Variants in LMO7 observed in about 807,000 individuals in gnomAD.
LMO7 encodes LIM domain only protein 7.
Under a neutral mutation model 206.5 loss-of-function variants are expected in LMO7, and 120 were observed. That is an observed-to-expected ratio of 0.58 (90% CI 0.50 to 0.68). The LOEUF (loss-of-function observed/expected upper bound fraction) is 0.68. Among genes scored for constraint, LMO7 ranks in the 30% least tolerant of loss-of-function variants. The pLI, the probability that LMO7 is intolerant of heterozygous loss-of-function variation, is 0.00. For synonymous variants in LMO7, 706 were observed against 681.5 expected, an observed-to-expected ratio of 1.04 and a Z score of -0.56; for missense variants, 1,959 against 1,957.9, an observed-to-expected ratio of 1.00 and a Z score of -0.01.
In LMO7 at chr13:75,849,240, C is replaced by T. The variant is rs1372124855; in HGVS notation, c.4312C>T (p.Arg1438Cys). Residue 1438 changes from arginine to cysteine, a missense_variant, in exon 27 of 31, where the codon CGC (arginine) becomes TGC (cysteine). By Grantham distance (180) the Arg-to-Cys change is radical. Coordinates refer to ENST00000377534, the MANE Select transcript of LMO7 (RefSeq NM_001306080.2). ...CAATGACAACAGCTGGATCCGACAG[C>T]GCAGTGCCAGTGTCAACAAAGAGCC... ...LHNDNSWIRQRSASVNKEPVS... is the reference protein window; with the variant it reads ...LHNDNSWIRQCSASVNKEPVS... 7 of 1,614,090 alleles carry T rather than the reference C, an allele frequency of 4.3e-6. No individual in the cohort carries two copies. Among genetic ancestry groups the T allele is most frequent in the East Asian group, 2.2e-5 (1 of 44,856 alleles).
At chr13:75,697,457 A>G (rs2041985308) in intron 1 of LMO7, among the ~76,000 whole-genome samples, 1 of 152,154 alleles carries the variant, frequency 6.6e-6, no homozygotes, top group African/African-American at 2.4e-5. Context: ...CCCTTATAAA[A>G]CCATCAGATC....
intron 12 of LMO7, 162 bp from the exon 13 acceptor site, chr13:75,819,231 G>T: frequency 3.1e-6 from 2 of 639,474 alleles, no homozygotes; most frequent in Non-Finnish European, 5.0e-6. Context: ...ATAAAGGCTT[G>T]GTACAGAAAC....
In LMO7 at chr13:75,788,480, G is replaced by A. The variant is rs1357198073; in HGVS notation, c.318-6921G>A. 2.1e-5 allele frequency among the ~76,000 whole-genome samples: 3 copies of A among 144,208 alleles called. No individual in the cohort carries two copies. The East Asian group carries it at 6.1e-4, about 29-fold the overall frequency. 94.6% of individuals were successfully genotyped at this position (144,208 alleles called of 152,430 possible). A position where few individuals can be genotyped will look rare whatever the true frequency, so the allele number is the denominator to read the frequency against. ...AAAAAAAAAAAAAAAAAAAGCCACT[G>A]CTCTGTCCTCAGAAGAACTTCTGCT... On this transcript the variant is annotated intron_variant, in intron 4 of 30. Transcript: ENST00000377534.
intron 1 of LMO7, among the ~76,000 whole-genome samples, chr13:75,697,470 A>T (rs1337332157): frequency 6.6e-6 from 1 of 152,194 alleles, no homozygotes; most frequent in East Asian, 1.9e-4. Context: ...ATCAGATCTC[A>T]TGAGACTTAT....
intron 2 of LMO7, among the ~76,000 whole-genome samples, chr13:75,719,221 C>A (rs1271251314): frequency 6.6e-6 from 1 of 150,876 alleles, no homozygotes; most frequent in African/African-American, 2.5e-5. Flanking sequence ...CTCAAGTGAT[C>A]TGTCCGCCTT....
chr13:75,843,017 C>A, intron 25 of LMO7, 101 bp downstream of exon 25: 1 of 774,094 alleles, frequency 1.3e-6, no homozygotes, highest in Non-Finnish European at 2.2e-6. Context: ...AGCCCTTTGT[C>A]ATTTGTGGGG....
intron 4 of LMO7, among the ~76,000 whole-genome samples, chr13:75,773,216 A>G (rs1248253634): frequency 6.6e-6 from 1 of 152,266 alleles, no homozygotes; most frequent in Admixed American, 6.5e-5. Context: ...TCGGGCCTAC[A>G]TTCTGATGGG....
intron 16 of LMO7, 82 bp from the exon 17 acceptor site, chr13:75,834,144 A>AAT: frequency 9.7e-7 from 1 of 1,035,804 alleles, no homozygotes; most frequent in Non-Finnish European, 1.4e-6. Context: ...ATTCAGAGTC[A>AAT]TTTTTCTTAA....
intron 3 of LMO7, among the ~76,000 whole-genome samples, chr13:75,741,636 G>T (rs1594680236): frequency 6.6e-6 from 1 of 152,296 alleles, no homozygotes; most frequent in African/African-American, 2.4e-5. Flanking sequence ...GAAACCACAT[G>T]ATTATCTCAA....
chr13:75,813,553 A>T (rs2056663982), intron 11 of LMO7, among the ~76,000 whole-genome samples: 1 of 152,076 alleles, frequency 6.6e-6, no homozygotes, highest in African/African-American at 2.4e-5. Flanking sequence ...TGCAGGCTTG[A>T]TGTGGGTAAC....
intron 15 of LMO7, among the ~76,000 whole-genome samples, chr13:75,829,703 T>C (rs2058471698): frequency 4.0e-5 from 6 of 151,426 alleles, no homozygotes; most frequent in Admixed American, 4.0e-4. Context: ...TGGCCCTGTT[T>C]TTTTTTTTAA....
intron 1 of LMO7, among the ~76,000 whole-genome samples, chr13:75,680,399 T>G (rs1244504119): frequency 6.6e-6 from 1 of 152,242 alleles, no homozygotes; most frequent in Non-Finnish European, 1.5e-5. Flanking sequence ...TTTATCCTCC[T>G]TAGGCTGTAG....
upstream of LMO7, chr13:75,636,018 A>G: frequency 6.5e-6 from 1 of 153,736 alleles, no homozygotes; most frequent in East Asian, 1.9e-4. Flanking sequence ...CGCCGCTCTC[A>G]GGGGCCCGGG....
At chr13:75,794,656 G>A (rs1010708569) in intron 4 of LMO7, among the ~76,000 whole-genome samples, 1 of 152,152 alleles carries the variant, frequency 6.6e-6, no homozygotes, top group African/African-American at 2.4e-5. Context: ...TGTCTCTAAT[G>A]AGGGGAAGTG....
At chr13:75,805,805 A>G in intron 9 of LMO7, 45 bp downstream of exon 9, 1 of 1,582,324 alleles carries the variant, frequency 6.3e-7, no homozygotes. Context: ...TTCATTCAGT[A>G]CCCCAGCTGG....
chr13:75,807,860 A>G lies in LMO7; in HGVS notation c.1577A>G (p.Lys526Arg), dbSNP rs1476261503. The G allele has an allele frequency of 6.1e-5, 99 of 1,613,894 alleles. No individual in the cohort carries two copies. The highest frequency in any genetic ancestry group is 8.1e-5 in the Non-Finnish European group (96 of 1,179,898). The stretch of plus-strand genomic sequence containing the variant: ...ATTGTTCGCCGAATTCCAGCACAGA[A>G]GAAAGAAGTGCCGCTGTCTGGGGCC... ...DMIVRRIPAQKKEVPLSGAPD... is the reference protein window; with the variant it reads ...DMIVRRIPAQRKEVPLSGAPD... Residue 526 changes from lysine (K) to arginine (R), a missense_variant, in exon 10 of 31, where the codon AAG becomes AGG. Coordinates refer to ENST00000377534, the MANE Select transcript of LMO7 (RefSeq NM_001306080.2).
intron 2 of LMO7, among the ~76,000 whole-genome samples, chr13:75,718,867 A>G (rs977750410): frequency 1.3e-5 from 2 of 152,050 alleles, no homozygotes; most frequent in African/African-American, 4.8e-5. Context: ...CTTTTCCAGA[A>G]TGTCACATAG....
At chr13:75,786,675 G>A (rs193183052) in intron 4 of LMO7, among the ~76,000 whole-genome samples, 87 of 152,102 alleles carry the variant, frequency 5.7e-4, no homozygotes, top group African/African-American at 1.9e-3. Flanking sequence ...GTGAGCCACC[G>A]CGCCCGGCCT....
intron 2 of LMO7, among the ~76,000 whole-genome samples, chr13:75,629,804 T>C (rs945846883): frequency 2.0e-5 from 3 of 152,078 alleles, no homozygotes; most frequent in Admixed American, 2.0e-4. Context: ...GTAGTAGAAA[T>C]AAAATTGACA....
Sources: gnomAD v4.1 joint callset for allele counts (sites outside exome capture counted in the v4.1 genomes callset) on GRCh38, gnomAD v4.1.1 for gene constraint, MANE v1.5 for transcripts, NCBI Gene and HGNC (gene_info 2026-07-23, HGNC 2026-07-21) for gene names.